SHB: variants seen among roughly 807,000 people sequenced by gnomAD.
The protein encoded by SHB is SH2 domain-containing adapter protein B.
Under a neutral mutation model 52.3 loss-of-function variants are expected in SHB, and 20 were observed. The ratio of observed to expected loss-of-function variants is 0.38; its 90% CI spans 0.27 to 0.56. The LOEUF is 0.56. Ranked by LOEUF, SHB falls within the 20% of genes least tolerant of loss-of-function variation. The pLI, the probability that SHB is intolerant of heterozygous loss-of-function variation, is 0.71. For synonymous variants in SHB, 397 were observed against 316.5 expected (o/e 1.25, Z -2.70); for missense variants, 825 against 723.3 (o/e 1.14, Z -1.61).
At chr9:38,038,297 A>C (rs1821516076) in intron 1 of SHB, among the ~76,000 whole-genome samples, 1 of 152,070 alleles carries the variant, frequency 6.6e-6, no homozygotes, top group African/African-American at 2.4e-5. Flanking sequence ...TCTATCACAA[A>C]AGCAATGGAC....
chr9:37,983,860 T>A (rs934192398), intron 2 of SHB, among the ~76,000 whole-genome samples: 1 of 152,204 alleles, frequency 6.6e-6, no homozygotes, highest in Non-Finnish European at 1.5e-5. Flanking sequence ...ACTTGCCACT[T>A]AGCGGGGCTG....
intron 1 of SHB, among the ~76,000 whole-genome samples, chr9:38,039,887 C>G (rs1821550785): frequency 6.6e-6 from 1 of 152,244 alleles, no homozygotes. Flanking sequence ...GGCCTCTCGA[C>G]AGGAGTCTGG....
At chr9:37,943,563 C>T (rs7041537) in intron 5 of SHB, among the ~76,000 whole-genome samples, 2,237 of 152,292 alleles carry the variant, frequency 0.015, 19 homozygotes, top group Middle Eastern at 0.034. Flanking sequence ...AAGGTCCCTC[C>T]GTAAGGACTG....
chr9:37,955,626 T>C (rs1269892596), intron 4 of SHB, among the ~76,000 whole-genome samples: 1 of 151,262 alleles, frequency 6.6e-6, no homozygotes, highest in Non-Finnish European at 1.5e-5. Context: ...TACAGGTGCA[T>C]GCCATCATAC....
intron 3 of SHB, among the ~76,000 whole-genome samples, chr9:37,973,286 C>T (rs1820612660): frequency 3.3e-5 from 5 of 152,238 alleles, no homozygotes; most frequent in Admixed American, 2.6e-4. Context: ...TGCAATGGTG[C>T]GATCTCGGCT....
chr9:37,927,797 A>C (rs1832267221), intron 5 of SHB, among the ~76,000 whole-genome samples: 2 of 152,276 alleles, frequency 1.3e-5, no homozygotes, highest in African/African-American at 4.8e-5. Flanking sequence ...GTCCCCCCTC[A>C]GGGTTCCCAC....
chr9:38,014,539 A>G (rs1188887255), intron 2 of SHB, among the ~76,000 whole-genome samples: 1 of 152,180 alleles, frequency 6.6e-6, no homozygotes, highest in East Asian at 1.9e-4. Context: ...TTCCCTCAGG[A>G]CCCCAGATCC....
chr9:37,932,504 C>G lies in SHB; in HGVS notation c.1347-12500G>C, dbSNP rs917170371. Among the ~76,000 whole-genome samples the G allele has an allele frequency of 1.7e-4, 21 of 125,956 alleles. No individual in the cohort carries two copies. The Admixed American group carries it at 2.0e-3, about 12-fold the overall frequency. The allele number at this position is 125,956 out of a possible 152,430, so 82.6% of individuals were successfully genotyped here. A position where few individuals can be genotyped will look rare whatever the true frequency, so the allele number is the denominator to read the frequency against. Reference sequence around the variant, plus strand: ...CAACACGAGGACCACAGGTAATAAACAAATTGTACTTCATATGGGATTCAT... The same window carrying G: ...CAACACGAGGACCACAGGTAATAAAGAAATTGTACTTCATATGGGATTCAT... On this transcript the variant is annotated intron_variant, in intron 5 of 5. Coordinates refer to ENST00000377707, the MANE Select transcript of SHB (RefSeq NM_003028.3).
chr9:38,053,261 G>A (rs1390514486), intron 1 of SHB, among the ~76,000 whole-genome samples: 4 of 151,000 alleles, frequency 2.6e-5, no homozygotes, highest in African/African-American at 4.9e-5. Flanking sequence ...TTTTTGAGAT[G>A]GAGTCACTCT....
In SHB at chr9:38,068,181, G is replaced by T; in HGVS notation, c.465C>A (p.Ser155=). Residue 155 remains serine, a synonymous_variant, in exon 1 of 6, where the codon TCC becomes TCA. Coordinates refer to ENST00000377707, the MANE Select transcript of SHB (RefSeq NM_003028.3). Reference sequence around the variant, plus strand: ...TGCGGTAGAGATGCGGAGAGCCGGAGGACGAGGACGAGGACGCGGCGGCCC... The same window carrying T: ...TGCGGTAGAGATGCGGAGAGCCGGATGACGAGGACGAGGACGCGGCGGCCC... The part of the protein sequence containing the change: ...GAGAAASSSS[S]SGSPHLYRSS... 7.1e-7 allele frequency: 1 copy of T among 1,414,632 alleles called. No homozygotes were observed. 87.6% of individuals were successfully genotyped at this position (1,414,632 alleles called of 1,614,324 possible).
At chr9:38,054,409 T>C (rs1265081983) in intron 1 of SHB, among the ~76,000 whole-genome samples, 8 of 152,222 alleles carry the variant, frequency 5.3e-5, no homozygotes, top group South Asian at 2.1e-4. Flanking sequence ...CAAATCCACC[T>C]GGGAATCTGA....
chr9:38,000,586 C>G (rs74958696), intron 2 of SHB, among the ~76,000 whole-genome samples: 1 of 152,224 alleles, frequency 6.6e-6, no homozygotes, highest in South Asian at 2.1e-4. Flanking sequence ...GGCGCTGTTC[C>G]GAGGCCGGGT....
chr9:38,032,630 C>T (rs1301426817), intron 1 of SHB, among the ~76,000 whole-genome samples: 1 of 152,234 alleles, frequency 6.6e-6, no homozygotes, highest in African/African-American at 2.4e-5. Context: ...CCTGGGGAAG[C>T]AGTGCTTCCG....
At chr9:37,994,787 G>T (rs1820927490) in intron 2 of SHB, among the ~76,000 whole-genome samples, 1 of 152,134 alleles carries the variant, frequency 6.6e-6, no homozygotes, top group Admixed American at 6.5e-5. Flanking sequence ...TGTCCACATG[G>T]GGAAGACTTC....
At chr9:37,938,795 T>C (rs1333860965) in intron 5 of SHB, among the ~76,000 whole-genome samples, 2 of 152,174 alleles carry the variant, frequency 1.3e-5, no homozygotes, top group Admixed American at 1.3e-4. Flanking sequence ...GACGGGCACG[T>C]CTGGCACTGC....
intron 2 of SHB, among the ~76,000 whole-genome samples, chr9:37,997,102 A>G (rs116657707): frequency 3.0e-3 from 457 of 152,334 alleles, no homozygotes; most frequent in African/African-American, 0.01. Flanking sequence ...GGTACAGTCC[A>G]AGCCCCTTAG....
At position 37,966,412 on chromosome 9, in the gene SHB, T is replaced by C. The variant is rs748169669; in HGVS notation, c.1054+8210A>G. 4.3e-4 allele frequency among the ~76,000 whole-genome samples: 65 copies of C among 152,264 alleles called. No individual in the cohort carries two copies. In the Middle Eastern group the frequency reaches 0.01, roughly 24 times the overall value. Reference sequence around the variant, plus strand: ...TTTTTTTCCTCTCCTTTTTTTAAGATTACTAAATGAATTTATTCATACGTC... The same window carrying C: ...TTTTTTTCCTCTCCTTTTTTTAAGACTACTAAATGAATTTATTCATACGTC... On this transcript the variant is annotated intron_variant, in intron 3 of 5. Transcript: ENST00000377707.
chr9:37,966,712 C>A (rs181753602), intron 3 of SHB, among the ~76,000 whole-genome samples: 1 of 152,194 alleles, frequency 6.6e-6, no homozygotes, highest in African/African-American at 2.4e-5. Flanking sequence ...TTGGAAGAGA[C>A]AGCATTCTCC....
Position 37,977,731 on chromosome 9 carries a change from C to T in SHB, c.839-2894G>A, listed in dbSNP as rs557565219. Among the ~76,000 whole-genome samples the T allele has an allele frequency of 1.2e-4, 18 of 152,304 alleles. No homozygotes were observed. In the South Asian group the frequency reaches 2.7e-3, roughly 23 times the overall value. On this transcript the variant is annotated intron_variant, in intron 2 of 5. Transcript: ENST00000377707. ...CTCATCACCTGTATTCGTCTTCCTC[C>T]GTTCTGAGGAGTGAAGTCTAGCCTC...
Sources: allele counts gnomAD v4.1 joint callset (sites outside exome capture counted in the v4.1 genomes callset), GRCh38; gene constraint gnomAD v4.1.1; transcripts MANE v1.5; gene names NCBI Gene and HGNC (gene_info 2026-07-23, HGNC 2026-07-21).